AOPEP: variants seen among roughly 807,000 people sequenced by gnomAD.
The protein encoded by AOPEP is aminopeptidase O (putative).
In AOPEP, 77 loss-of-function variants were observed where a neutral mutation model predicts 98.1. The observed-to-expected ratio is 0.78, with a 90% confidence interval of 0.65 to 0.95. The LOEUF is 0.95. Ranked by LOEUF, AOPEP falls within the 40% of genes least tolerant of loss-of-function variation. The pLI, the probability that AOPEP is intolerant of heterozygous loss-of-function variation, is 0.00. For missense variants in AOPEP, 1,024 were observed against 1,024.7 expected, an observed-to-expected ratio of 1.00 and a Z score of 0.01; for synonymous variants, 346 against 365.3, an observed-to-expected ratio of 0.95 and a Z score of 0.60.
intron 6 of AOPEP, among the ~76,000 whole-genome samples, chr9:94,926,899 C>A (rs943623090): frequency 6.6e-6 from 1 of 152,194 alleles, no homozygotes; most frequent in Non-Finnish European, 1.5e-5. Flanking sequence ...TCAAGTCAGT[C>A]GCAAGGTTGG....
the AOPEP span, among the ~76,000 whole-genome samples, chr9:95,136,709 C>G: frequency 1.3e-5 from 2 of 152,288 alleles, no homozygotes; most frequent in African/African-American, 4.8e-5. Context: ...GTCTTGAACT[C>G]CTGGCCTCAA....
At chr9:94,798,670 C>T (rs1403995352) in intron 4 of AOPEP, among the ~76,000 whole-genome samples, 1 of 152,182 alleles carries the variant, frequency 6.6e-6, no homozygotes, top group Non-Finnish European at 1.5e-5. Context: ...TCCAGTTTCT[C>T]TGTGGTTTAA....
rs527520724 is a variant in AOPEP, at chr9:95,086,173, CGCGTCCACCCT to C, written c.*5-498_*5-488del. The C allele has an allele frequency of 1.4e-4, 190 of 1,325,554 alleles. No homozygotes were observed. In the Admixed American group the frequency reaches 2.2e-3, roughly 16 times the overall value. 82.1% of individuals were successfully genotyped at this position (1,325,554 alleles called of 1,614,324 possible). A position where few individuals can be genotyped will look rare whatever the true frequency, so the allele number is the denominator to read the frequency against. On this transcript the variant is annotated intron_variant, in intron 16 of 16. Transcript: ENST00000375315. Reference sequence around the variant, plus strand: ...GGCTCCCACTCGCGGCAGACAGGCCCGCGTCCACCCTGCGTCCACCCCGGCCCGGCGGCAGC... The same window carrying C: ...GGCTCCCACTCGCGGCAGACAGGCCCGCGTCCACCCCGGCCCGGCGGCAGC...
intron 13 of AOPEP, among the ~76,000 whole-genome samples, chr9:95,016,549 T>G (rs1360778799): frequency 6.6e-6 from 1 of 152,104 alleles, no homozygotes; most frequent in African/African-American, 2.4e-5. Flanking sequence ...GGCCCTTTTG[T>G]GATTTTTGAA....
chr9:94,813,524 C>T (rs1851076272), intron 5 of AOPEP, among the ~76,000 whole-genome samples: 1 of 152,242 alleles, frequency 6.6e-6, no homozygotes, highest in Admixed American at 6.5e-5. Flanking sequence ...CTCCCCCTCA[C>T]CAGCCTGTGC....
At chr9:94,988,575 G>A (rs2060665983) in intron 11 of AOPEP, among the ~76,000 whole-genome samples, 1 of 152,152 alleles carries the variant, frequency 6.6e-6, no homozygotes, top group African/African-American at 2.4e-5. Flanking sequence ...GAACATCGAA[G>A]GATAACCAGA....
At chr9:95,100,128 C>T in the AOPEP span, 1 of 232,596 alleles carries the variant, frequency 4.3e-6, no homozygotes, top group African/African-American at 2.2e-5. Flanking sequence ...AAGCATGCAG[C>T]TCCTTTTTCA....
At chr9:94,782,513 A>G (rs1217903819) in intron 3 of AOPEP, among the ~76,000 whole-genome samples, 1 of 152,224 alleles carries the variant, frequency 6.6e-6, no homozygotes, top group Non-Finnish European at 1.5e-5. Context: ...AAGATCTGAG[A>G]GTCCAGACCC....
At chr9:94,826,501 CAGCTCGGTGGCATTTGTTGCAGTAAGT>C (rs1466543869) in intron 5 of AOPEP, among the ~76,000 whole-genome samples, 1 of 152,210 alleles carries the variant, frequency 6.6e-6, no homozygotes, top group Non-Finnish European at 1.5e-5. Context: ...AATCTCTCTT[CAGCTCGGTGGCATTTGTTGCAGTAAGT>C]AGCTTTAGGT....
chr9:94,819,709 T>A (rs2134155188), intron 5 of AOPEP, among the ~76,000 whole-genome samples: 1 of 151,492 alleles, frequency 6.6e-6, no homozygotes, highest in Non-Finnish European at 1.5e-5. Flanking sequence ...TAGCTGGGAC[T>A]ACAGGCATGT....
At chr9:94,795,913 AG>A (rs760473766) in intron 4 of AOPEP, among the ~76,000 whole-genome samples, 1 of 152,222 alleles carries the variant, frequency 6.6e-6, no homozygotes, top group East Asian at 1.9e-4. Context: ...TATTATTGAC[AG>A]AAGCTGGACT....
chr9:95,103,250 C>T, the AOPEP span, among the ~76,000 whole-genome samples: 7 of 152,210 alleles, frequency 4.6e-5, no homozygotes, highest in South Asian at 1.2e-3. Context: ...TCCTTACACA[C>T]CAACACTCCT....
intron 2 of AOPEP, among the ~76,000 whole-genome samples, chr9:94,765,934 G>A (rs1839507574): frequency 6.6e-6 from 1 of 152,098 alleles, no homozygotes; most frequent in Non-Finnish European, 1.5e-5. Context: ...ACTGATGGAA[G>A]GAATACATAT....
At chr9:94,840,286 G>A (rs2042125053) in intron 5 of AOPEP, among the ~76,000 whole-genome samples, 1 of 152,184 alleles carries the variant, frequency 6.6e-6, no homozygotes, top group Admixed American at 6.5e-5. Context: ...CTGTCAATAT[G>A]TTGGATTACA....
chr9:94,979,235 T>A (rs2060030575), intron 10 of AOPEP, 132 bp from the exon 11 acceptor site: 1 of 595,878 alleles, frequency 1.7e-6, no homozygotes, highest in Non-Finnish European at 3.1e-6. Context: ...AGGGGAGCGC[T>A]GCCCTTTCTG....
intron 13 of AOPEP, among the ~76,000 whole-genome samples, chr9:95,029,116 C>T (rs1166217323): frequency 6.6e-6 from 1 of 152,110 alleles, no homozygotes; most frequent in Non-Finnish European, 1.5e-5. Context: ...CTGGGACTCC[C>T]TAGGATGTGG....
the AOPEP span, among the ~76,000 whole-genome samples, chr9:95,136,245 T>A: frequency 2.1e-3 from 315 of 151,994 alleles, no homozygotes; most frequent in African/African-American, 6.8e-3. Flanking sequence ...ATTTTTTTTT[T>A]AAATTAGCCT....
the AOPEP span, chr9:95,101,780 C>T: frequency 1.9e-5 from 30 of 1,614,024 alleles, no homozygotes; most frequent in African/African-American, 6.7e-5. Flanking sequence ...AATGCCAAGA[C>T]GATTCCATCT....
chr9:95,098,592 C>T, the AOPEP span, among the ~76,000 whole-genome samples: 1 of 152,214 alleles, frequency 6.6e-6, no homozygotes, highest in East Asian at 1.9e-4. Context: ...TGGGGGTGGC[C>T]ACGGCGCTGC....
Sources: gnomAD v4.1 joint callset for allele counts (sites outside exome capture counted in the v4.1 genomes callset) on GRCh38, gnomAD v4.1.1 for gene constraint, MANE v1.5 for transcripts, NCBI Gene and HGNC (gene_info 2026-07-23, HGNC 2026-07-21) for gene names.